Variants in SLC26A3 observed in about 807,000 individuals in gnomAD.
The protein encoded by SLC26A3 is chloride anion exchanger.
SLC26A3 carries 64 observed loss-of-function variants against 85.6 expected under a neutral mutation model. That is an observed-to-expected ratio of 0.75 (90% confidence interval 0.61 to 0.92). The LOEUF (loss-of-function observed/expected upper bound fraction) is 0.92. SLC26A3 is among the 40% of genes least tolerant of loss of function. The probability of loss-of-function intolerance (pLI) is 0.00; values close to 1 mark genes in which losing one functional copy is unlikely to be tolerated. For missense variants in SLC26A3, 922 were observed against 927.3 expected, an observed-to-expected ratio of 0.99 and a Z score of 0.07; for synonymous variants, 349 against 336.0, an observed-to-expected ratio of 1.04 and a Z score of -0.42.
intron 1 of SLC26A3, among the ~76,000 whole-genome samples, chr7:107,800,686 A>G (rs967394637): frequency 6.6e-6 from 1 of 152,082 alleles, no homozygotes; most frequent in East Asian, 1.9e-4. Context: ...AAACTGAACT[A>G]TGAGCAAAAG....
chr7:107,773,939 G>A lies in SLC26A3; in HGVS notation c.1988C>T (p.Ser663Leu). 6.2e-7 allele frequency: 1 copy of A among 1,613,574 alleles called. No homozygotes were observed. Among genetic ancestry groups the A allele is most frequent in the East Asian group, 2.2e-5 (1 of 44,874 alleles). ...AATTACCGATTTAAGGCCCCTCACT[G>A]AAGAAACATCAAGAAAGGACACTGC... ...FSAVSFLDVS[S>L]VRGLKSILQE... The change falls in exon 17 of 21, where the codon TCA becomes TTA. Residue 663 changes from serine (S) to leucine (L), a missense_variant. Physicochemically the swap from Ser to Leu is moderately radical, Grantham distance 145. Transcript: ENST00000340010.
At position 107,787,494 on chromosome 7, in the gene SLC26A3, A is replaced by T. The variant is rs1794317285; in HGVS notation, c.751T>A (p.Phe251Ile). ...VSIFKVLYSV[F>I]SQIEKTNIAD... ...ATATTAGTCTTCTCTATTTGTGAGA[A>T]TACAGAGTATAGTACCTACAATTAT... The change falls in exon 7 of 21, where the codon TTC becomes ATC. Residue 251 changes from phenylalanine (F) to isoleucine (I), a missense_variant. Phe to Ile is a conservative substitution (Grantham distance 21). Coordinates refer to ENST00000340010, the MANE Select transcript of SLC26A3 (RefSeq NM_000111.3). The T allele has an allele frequency of 5.0e-6, 8 of 1,613,616 alleles. No homozygotes were observed. The highest frequency in any genetic ancestry group is 6.8e-6 in the Non-Finnish European group (8 of 1,179,788).
At chr7:107,774,230 C>T (rs1404232776) in intron 16 of SLC26A3, 77 bp from the exon 17 acceptor site, 1 of 1,158,792 alleles carries the variant, frequency 8.6e-7, no homozygotes, top group South Asian at 1.2e-5. Context: ...CAGTGAGTTT[C>T]AGAAGCACTG....
In SLC26A3 at chr7:107,791,983, G is replaced by C. The variant is rs771707611; in HGVS notation, c.272-43C>G. 10 of 1,162,412 alleles carry C rather than the reference G, an allele frequency of 8.6e-6. No individual in the cohort carries two copies. In the South Asian group the frequency reaches 1.2e-4, roughly 14 times the overall value. 72.0% of individuals were successfully genotyped at this position (1,162,412 alleles called of 1,614,324 possible). ...GCAGAGCCCTTACTCTGTGCAAGAG[G>C]AATCAAAGACATTCTCATTTGGTTC... On this transcript the variant is annotated intron_variant, in intron 3 of 20. Coordinates refer to ENST00000340010, the MANE Select transcript of SLC26A3 (RefSeq NM_000111.3).
At chr7:107,771,645 G>A (rs1794032868) in intron 18 of SLC26A3, among the ~76,000 whole-genome samples, 1 of 152,160 alleles carries the variant, frequency 6.6e-6, no homozygotes, top group Admixed American at 6.5e-5. Flanking sequence ...GATGAAGGCC[G>A]TTAATCCTAA....
chr7:107,770,128 C>T (rs1326464895), intron 18 of SLC26A3, among the ~76,000 whole-genome samples: 3 of 74,478 alleles, frequency 4.0e-5, no homozygotes, highest in Admixed American at 1.3e-4. Context: ...CTTTCTCTTT[C>T]TTTCTTTCTC....
intron 6 of SLC26A3, among the ~76,000 whole-genome samples, chr7:107,788,046 G>A (rs905255903): frequency 6.6e-6 from 1 of 152,282 alleles, no homozygotes; most frequent in Middle Eastern, 3.4e-3. Context: ...ACTTCTTGAA[G>A]CTAGTTGGGT....
In SLC26A3 at chr7:107,765,741, CAT is replaced by C. The variant is rs1421706561; in HGVS notation, c.*112_*113del. On this transcript the variant is annotated 3_prime_UTR_variant, in exon 21 of 21. Coordinates refer to ENST00000340010, the MANE Select transcript of SLC26A3 (RefSeq NM_000111.3). Reference sequence around the variant, plus strand: ...AACCATCTTGTTCCAAAGTTTGAAACATATTCTGTCAAAAATACTCTTCGTAC... The same window carrying C: ...AACCATCTTGTTCCAAAGTTTGAAACATTCTGTCAAAAATACTCTTCGTAC... 1.5e-5 allele frequency: 12 copies of C among 807,724 alleles called. No homozygotes were observed. Among genetic ancestry groups the C allele is most frequent in the Non-Finnish European group, 2.1e-5 (10 of 470,606 alleles). 50.0% of individuals were successfully genotyped at this position (807,724 alleles called of 1,614,324 possible). A position where few individuals can be genotyped will look rare whatever the true frequency, so the allele number is the denominator to read the frequency against.
intron 1 of SLC26A3, among the ~76,000 whole-genome samples, chr7:107,796,112 ATTATT>A (rs1794494117): frequency 1.3e-5 from 2 of 151,184 alleles, no homozygotes; most frequent in Non-Finnish European, 2.9e-5. Context: ...TATTATTATT[ATTATT>A]ATTATTATTA....
In SLC26A3 at chr7:107,776,552, G is replaced by C; in HGVS notation, c.1585-8C>G. The C allele has an allele frequency of 6.2e-7, 1 of 1,612,202 alleles. No homozygotes were observed. The highest frequency in any genetic ancestry group is 8.5e-7 in the Non-Finnish European group (1 of 1,178,242). ...TCCTTCTGGCTCATACATCTGTAAG[G>C]CAGAGAAGCATTGTTAGGTGTTGCC... On this transcript the variant is annotated splice_polypyrimidine_tract_variant and splice_region_variant and intron_variant, in intron 14 of 20. Coordinates refer to ENST00000340010, the MANE Select transcript of SLC26A3 (RefSeq NM_000111.3).
rs1794068982 is a variant in SLC26A3 at position 107,774,049 on chromosome 7, A to C, written c.1878T>G (p.Pro626=). 6.2e-7 allele frequency: 1 copy of C among 1,614,138 alleles called. No individual in the cohort carries two copies. Reference sequence around the variant, plus strand: ...GATCATCATTCCAGTCAATGTGGAAAGGCAGGTCTGTGGTATTGATTGGCT... The same window carrying C: ...GATCATCATTCCAGTCAATGTGGAACGGCAGGTCTGTGGTATTGATTGGCT... ...LDQPINTTDL[P]FHIDWNDDLP... Residue 626 remains proline, a synonymous_variant, in exon 17 of 21, where the codon CCT becomes CCG. Transcript: ENST00000340010.
intron 6 of SLC26A3, among the ~76,000 whole-genome samples, chr7:107,787,846 G>A (rs1050864514): frequency 1.3e-5 from 2 of 152,054 alleles, no homozygotes; most frequent in Non-Finnish European, 1.5e-5. Flanking sequence ...CTCTTTGGTC[G>A]TCATTTTTTA....
Position 107,801,986 on chromosome 7 carries a change from G to C in SLC26A3, c.-89+1125C>G, listed in dbSNP as rs367844904. 4.5e-4 allele frequency among the ~76,000 whole-genome samples: 69 copies of C among 151,672 alleles called. 3 individuals carry two copies. The East Asian group carries it at 7.4e-3, about 16-fold the overall frequency. ...GCGTGCCTGTAGTATCAGCTACTTG[G>C]GGGGCTGAGGCAGGATAATCACTTG... is the stretch of plus-strand genomic sequence containing the variant. On this transcript the variant is annotated intron_variant, in intron 1 of 20. Coordinates refer to ENST00000340010, the MANE Select transcript of SLC26A3 (RefSeq NM_000111.3).
At chr7:107,778,358 G>GA in intron 12 of SLC26A3, 77 bp from the exon 13 acceptor site, 16 of 360,198 alleles carry the variant, frequency 4.4e-5, no homozygotes, top group African/African-American at 6.7e-5. Context: ...CTTTTAAAAA[G>GA]ACTTTTTTTT....
intron 11 of SLC26A3, among the ~76,000 whole-genome samples, chr7:107,780,584 T>C: frequency 6.6e-6 from 1 of 152,226 alleles, no homozygotes; most frequent in East Asian, 1.9e-4. Flanking sequence ...GGAATTTGTA[T>C]ACTGCTATAC....
intron 1 of SLC26A3, among the ~76,000 whole-genome samples, chr7:107,795,733 T>TC (rs1203796635): frequency 6.6e-6 from 1 of 152,186 alleles, no homozygotes; most frequent in African/African-American, 2.4e-5. Context: ...TAGCATTTTT[T>TC]CCCTCTAATC....
rs1794237684 is a variant in SLC26A3 at position 107,783,099 on chromosome 7, A to C, written c.1120-6T>G. 1 of 1,613,898 alleles carries C rather than the reference A, an allele frequency of 6.2e-7. No individual in the cohort carries two copies. Among genetic ancestry groups the C allele is most frequent in the Non-Finnish European group, 8.5e-7 (1 of 1,179,726 alleles). On this transcript the variant is annotated splice_region_variant and splice_polypyrimidine_tract_variant and intron_variant, in intron 9 of 20. Coordinates refer to ENST00000340010, the MANE Select transcript of SLC26A3 (RefSeq NM_000111.3). ...AGTCCCAAGGCTATTAACTCCTGAC[A>C]GGAAGACAAGAATGAACCTTTTTCA...
chr7:107,788,476 A>G (rs1247532719), intron 6 of SLC26A3, among the ~76,000 whole-genome samples: 3 of 152,202 alleles, frequency 2.0e-5, no homozygotes, highest in African/African-American at 7.2e-5. Flanking sequence ...AAGAACTTCA[A>G]TTCTAAAAGA....
Position 107,789,627 on chromosome 7 carries a change from C to G in SLC26A3, c.632G>C (p.Ser211Thr), listed in dbSNP as rs753414608. 27 of 1,614,086 alleles carry G rather than the reference C, an allele frequency of 1.7e-5. No individual in the cohort carries two copies. The East Asian group carries it at 6.0e-4, about 36-fold the overall frequency. ...AACAGCAGCAGCAGTAGTGAAGCCA[C>G]TGATGAGGGACTCAGACAGGTATAT... ...VVIYLSESLISGFTTAAAVHV... is the reference protein window; with the variant it reads ...VVIYLSESLITGFTTAAAVHV... The change falls in exon 6 of 21, where the codon AGT (serine) becomes ACT (threonine). Residue 211 changes from serine to threonine, a missense_variant. By Grantham distance (58) the Ser-to-Thr change is moderately conservative (BLOSUM62 1). Transcript: ENST00000340010.
Sources: allele counts gnomAD v4.1 joint callset (sites outside exome capture counted in the v4.1 genomes callset), GRCh38; gene constraint gnomAD v4.1.1; transcripts MANE v1.5; gene names NCBI Gene and HGNC (gene_info 2026-07-23, HGNC 2026-07-21).